The following FBN1 variants were observed in gnomAD, a reference collection of about 807,000 sequenced individuals.
FBN1 encodes fibrillin-1.
Under a neutral mutation model 365.1 loss-of-function variants are expected in FBN1, and 29 were observed. The ratio of observed to expected loss-of-function variants is 0.08; its 90% confidence interval spans 0.06 to 0.11. The LOEUF is 0.11. Ranked by LOEUF, FBN1 falls within the 10% of genes least tolerant of loss-of-function variation. FBN1 has a pLI of 1.00. For synonymous variants in FBN1, 1,210 were observed against 1,270.5 expected, an observed-to-expected ratio of 0.95 and a Z score of 1.01; for missense variants, 2,476 against 3,703.2, an observed-to-expected ratio of 0.67 and a Z score of 8.60.
At chr15:48,603,815 G>A (rs1251638432) in intron 4 of FBN1, among the ~76,000 whole-genome samples, 1 of 152,192 alleles carries the variant, frequency 6.6e-6, no homozygotes, top group Non-Finnish European at 1.5e-5. Flanking sequence ...CATATGCAGT[G>A]AACCCTGAGT....
rs375402043 is a variant in FBN1, at chr15:48,474,370, G to A, written c.4095C>T (p.Asp1365=). 175 of 1,613,900 alleles carry A rather than the reference G, an allele frequency of 1.1e-4. No homozygotes were observed. The highest frequency in any genetic ancestry group is 4.9e-4 in the Middle Eastern group (3 of 6,084). The change falls in exon 34 of 66, where the codon GAC becomes GAT. Residue 1365 remains aspartate, a synonymous_variant. Transcript: ENST00000316623. ...IGDGIKCTDL[D]ECSNGTHMCS... ...ACATATGGGTTCCATTGGAACATTC[G>A]TCCAGATCTTATAGAAAAAGGTTAT...
intron 21 of FBN1, 57 bp downstream of exon 21, chr15:48,495,412 C>T (rs2043598227): frequency 1.2e-6 from 2 of 1,601,792 alleles, no homozygotes; most frequent in Non-Finnish European, 1.7e-6. Flanking sequence ...GAAAAGCTGA[C>T]ATTAAGTATA....
At position 48,412,549 on chromosome 15, in the gene FBN1, G is replaced by T. The variant is rs2042871642; in HGVS notation, c.8226+20C>A. 1.9e-6 allele frequency: 3 copies of T among 1,613,458 alleles called. No individual in the cohort carries two copies. Among genetic ancestry groups the T allele is most frequent in the Non-Finnish European group, 2.5e-6 (3 of 1,179,508 alleles). ...CTTTCCACCACAGGAGACATCAGGA[G>T]AAACTAACTTCTGACCCACCTCGAT... On this transcript the variant is annotated intron_variant, in intron 65 of 65. Coordinates refer to ENST00000316623, the MANE Select transcript of FBN1 (RefSeq NM_000138.5).
intron 60 of FBN1, among the ~76,000 whole-genome samples, chr15:48,423,430 G>A (rs1243201445): frequency 3.3e-5 from 5 of 152,130 alleles, no homozygotes; most frequent in African/African-American, 7.2e-5. Flanking sequence ...TTCCACTGCT[G>A]AGATCTTGAC....
In FBN1 at chr15:48,549,246, C is replaced by T. The variant is rs936797339; in HGVS notation, c.539-11438G>A. On this transcript the variant is annotated intron_variant, in intron 6 of 65. Transcript: ENST00000316623. ...TATACATAAATCACATCTGCAAGTT[C>T]GATGAATCTGAACACAATTAAGTGA... Among the ~76,000 whole-genome samples the T allele has an allele frequency of 5.3e-5, 8 of 152,166 alleles. No homozygotes were observed. In the East Asian group the frequency reaches 7.7e-4, roughly 15 times the overall value.
intron 9 of FBN1, among the ~76,000 whole-genome samples, chr15:48,522,266 T>C (rs988311928): frequency 6.6e-6 from 1 of 152,122 alleles, no homozygotes; most frequent in Non-Finnish European, 1.5e-5. Context: ...TAATATTAAC[T>C]TGTATTAATT....
intron 2 of FBN1, chr15:48,642,164 G>C (rs1380732245): frequency 6.6e-6 from 1 of 152,286 alleles, no homozygotes; most frequent in Non-Finnish European, 1.5e-5. Flanking sequence ...GATCGCTTGA[G>C]GCCAAGAGTT....
intron 5 of FBN1, among the ~76,000 whole-genome samples, chr15:48,598,673 G>A (rs564711807): frequency 1.6e-4 from 24 of 152,244 alleles, no homozygotes; most frequent in African/African-American, 5.5e-4. Flanking sequence ...TCACCTGACA[G>A]GTAAGCTCCT....
intron 32 of FBN1, among the ~76,000 whole-genome samples, chr15:48,479,032 T>C (rs138688202): frequency 1.3e-5 from 2 of 152,304 alleles, no homozygotes; most frequent in African/African-American, 2.4e-5. Flanking sequence ...AATAAATAAA[T>C]AGATAAATAA....
intron 2 of FBN1, among the ~76,000 whole-genome samples, chr15:48,625,281 T>C (rs527574850): frequency 1.3e-5 from 2 of 152,228 alleles, no homozygotes; most frequent in Non-Finnish European, 1.5e-5. Flanking sequence ...GAATAGGCTA[T>C]TGTGGGCTGG....
chr15:48,521,622 C>T (rs749001231), intron 9 of FBN1, among the ~76,000 whole-genome samples: 5 of 152,152 alleles, frequency 3.3e-5, no homozygotes, highest in Non-Finnish European at 7.4e-5. Context: ...CACACTGCAG[C>T]GCAGCTCTGG....
rs1020426272 is a variant in FBN1 at position 48,453,177 on chromosome 15, G to A, written c.5423-493C>T. Among the ~76,000 whole-genome samples the A allele has an allele frequency of 9.9e-5, 15 of 151,808 alleles. 1 individual carries two copies. Among genetic ancestry groups the A allele is most frequent in the Admixed American group, 9.2e-4 (14 of 15,244 alleles). On this transcript the variant is annotated intron_variant, in intron 44 of 65. Transcript: ENST00000316623. ...AAGCTGGGGCAGGAGAACCGTTTGA[G>A]CCTGGGAGATGGAGGTAGCAGCGAG...
chr15:48,481,877 G>A, intron 31 of FBN1, 97 bp from the exon 32 acceptor site: 2 of 1,237,402 alleles, frequency 1.6e-6, no homozygotes, highest in South Asian at 1.3e-5. Flanking sequence ...CATTAGAAAA[G>A]GTAAAATGCT....
At chr15:48,432,430 C>T (rs898893522) in intron 55 of FBN1, among the ~76,000 whole-genome samples, 3 of 152,184 alleles carry the variant, frequency 2.0e-5, no homozygotes, top group Non-Finnish European at 2.9e-5. Context: ...GTAGATTCCA[C>T]GTGTTACCCC....
At chr15:48,630,731 CAAAAAAA>C (rs11393587) in intron 2 of FBN1, among the ~76,000 whole-genome samples, 1 of 111,100 alleles carries the variant, frequency 9.0e-6, no homozygotes, top group Non-Finnish European at 1.8e-5. Context: ...GACTCCATCT[CAAAAAAA>C]AAAAAAAAAA....
intron 6 of FBN1, among the ~76,000 whole-genome samples, chr15:48,568,562 G>A (rs1233637082): frequency 6.6e-6 from 1 of 152,038 alleles, no homozygotes; most frequent in Non-Finnish European, 1.5e-5. Context: ...CAATTTAGAA[G>A]AAGAAGAATA....
In FBN1 at chr15:48,465,989, G is replaced by A. The variant is rs372306024; in HGVS notation, c.4748-131C>T. The A allele has an allele frequency of 2.6e-4, 188 of 724,684 alleles. 2 individuals carry two copies. In the East Asian group the frequency reaches 3.7e-3, roughly 14 times the overall value. The allele number at this position is 724,684 out of a possible 1,614,324, so 44.9% of individuals were successfully genotyped here. A position where few individuals can be genotyped will look rare whatever the true frequency, so the allele number is the denominator to read the frequency against. ...GGAATCTTTAGTTGTTACTCTGCCC[G>A]TCTGAAGTAAGTTAACACCTTTGTG... On this transcript the variant is annotated intron_variant, in intron 38 of 65. Coordinates refer to ENST00000316623, the MANE Select transcript of FBN1 (RefSeq NM_000138.5).
chr15:48,433,917 G>A (rs1417198649), intron 54 of FBN1, among the ~76,000 whole-genome samples: 1 of 152,166 alleles, frequency 6.6e-6, no homozygotes, highest in Non-Finnish European at 1.5e-5. Context: ...AGATCACCTA[G>A]AGGGCTGCTG....
At chr15:48,548,034 T>C (rs77248897) in intron 6 of FBN1, among the ~76,000 whole-genome samples, 2,834 of 152,274 alleles carry the variant, frequency 0.019, 107 homozygotes, top group African/African-American at 0.065. Flanking sequence ...TATGTAGATT[T>C]AATTCATCAA....
Sources: gnomAD v4.1 joint callset for allele counts (sites outside exome capture counted in the v4.1 genomes callset) on GRCh38, gnomAD v4.1.1 for gene constraint, MANE v1.5 for transcripts, NCBI Gene and HGNC (gene_info 2026-07-23, HGNC 2026-07-21) for gene names.